TAF3: variants seen among roughly 807,000 people sequenced by gnomAD.
TAF3 encodes the protein TATA-box binding protein associated factor 3.
Under a neutral mutation model 80.6 loss-of-function variants are expected in TAF3, and 7 were observed. The ratio of observed to expected loss-of-function variants is 0.09; its 90% CI spans 0.05 to 0.16. The LOEUF is 0.16. Ranked by LOEUF, TAF3 falls within the 10% of genes least tolerant of loss-of-function variation. The pLI, the probability that TAF3 is intolerant of heterozygous loss-of-function variation, is 1.00. For synonymous variants in TAF3, 444 were observed against 446.1 expected (o/e 1.00, Z 0.06); for missense variants, 921 against 1,140.2 (o/e 0.81, Z 2.77).
intron 2 of TAF3, among the ~76,000 whole-genome samples, chr10:7,885,316 A>G (rs1285444053): frequency 6.6e-6 from 1 of 151,836 alleles, no homozygotes; most frequent in African/African-American, 2.4e-5. Flanking sequence ...CCCTACCCCC[A>G]GTGTAGTTAG....
At chr10:7,855,200 C>T (rs1837066285) in intron 2 of TAF3, among the ~76,000 whole-genome samples, 1 of 152,148 alleles carries the variant, frequency 6.6e-6, no homozygotes, top group Non-Finnish European at 1.5e-5. Flanking sequence ...GGCTTTGTGG[C>T]TTCAGGTACT....
At chr10:7,888,708 T>C (rs1176017217) in intron 2 of TAF3, among the ~76,000 whole-genome samples, 1 of 152,204 alleles carries the variant, frequency 6.6e-6, no homozygotes, top group African/African-American at 2.4e-5. Context: ...TATACTATAC[T>C]AATTATAATG....
At chr10:7,974,842 G>A (rs545099178) in intron 3 of TAF3, among the ~76,000 whole-genome samples, 30 of 152,204 alleles carry the variant, frequency 2.0e-4, no homozygotes, top group African/African-American at 6.5e-4. Context: ...TTGGGAGGTC[G>A]AGGCGGGCGG....
At chr10:7,828,731 T>G (rs1836767749) in intron 2 of TAF3, among the ~76,000 whole-genome samples, 1 of 151,860 alleles carries the variant, frequency 6.6e-6, no homozygotes, top group Admixed American at 6.6e-5. Flanking sequence ...GTTCAAAATA[T>G]TTGCATAAGA....
intron 2 of TAF3, among the ~76,000 whole-genome samples, chr10:7,906,758 G>A (rs1837611643): frequency 1.3e-5 from 2 of 151,258 alleles, no homozygotes; most frequent in African/African-American, 2.4e-5. Flanking sequence ...GGCACCTTAT[G>A]CCTTTATTTT....
At chr10:7,921,171 T>A (rs2131188885) in intron 2 of TAF3, among the ~76,000 whole-genome samples, 1 of 152,304 alleles carries the variant, frequency 6.6e-6, no homozygotes, top group East Asian at 1.9e-4. Flanking sequence ...TTGTTAATAA[T>A]GTCTACTATC....
At chr10:7,902,493 C>T (rs1837567927) in intron 2 of TAF3, among the ~76,000 whole-genome samples, 1 of 152,022 alleles carries the variant, frequency 6.6e-6, no homozygotes, top group Non-Finnish European at 1.5e-5. Flanking sequence ...ATATTGACTG[C>T]GTGTGGTTGT....
At chr10:7,894,978 C>G (rs1469099112) in intron 2 of TAF3, among the ~76,000 whole-genome samples, 1 of 152,144 alleles carries the variant, frequency 6.6e-6, no homozygotes, top group Non-Finnish European at 1.5e-5. Flanking sequence ...TGGGTTCAAA[C>G]AATTCACCTG....
At chr10:7,941,794 G>T (rs964069676) in intron 2 of TAF3, among the ~76,000 whole-genome samples, 2 of 152,184 alleles carry the variant, frequency 1.3e-5, no homozygotes, top group Non-Finnish European at 2.9e-5. Context: ...TTTTACACTC[G>T]TGGGTGCTTG....
At chr10:8,014,075 T>C (rs533600155) in intron 6 of TAF3, among the ~76,000 whole-genome samples, 1 of 139,460 alleles carries the variant, frequency 7.2e-6, no homozygotes, top group East Asian at 1.9e-4. Context: ...TCTATCCTTC[T>C]TATTAAAAAT....
chr10:7,863,694 TATATATATATACACATATATATATACAC>T (rs1186302595), intron 2 of TAF3, among the ~76,000 whole-genome samples: 3,142 of 34,540 alleles, frequency 0.091, 611 homozygotes, highest in South Asian at 0.28. Flanking sequence ...TACACACACA[TATATATATATACACATATATATATACAC>T]ATATATATAT....
chr10:7,994,396 T>C (rs1831863853), intron 4 of TAF3, among the ~76,000 whole-genome samples: 1 of 152,190 alleles, frequency 6.6e-6, no homozygotes, highest in South Asian at 2.1e-4. Flanking sequence ...GATGTCATTA[T>C]TCTAGGCCTT....
intron 2 of TAF3, among the ~76,000 whole-genome samples, chr10:7,853,204 GAAGCAAAGGTGC>G: frequency 6.6e-6 from 1 of 152,064 alleles, no homozygotes. Flanking sequence ...AATTATACTA[GAAGCAAAGGTGC>G]TCAAACTCCA....
intron 3 of TAF3, among the ~76,000 whole-genome samples, chr10:7,968,809 T>A (rs1831596494): frequency 6.6e-6 from 1 of 152,186 alleles, no homozygotes; most frequent in Non-Finnish European, 1.5e-5. Context: ...CTTTTCTATA[T>A]TATGTTAAAA....
intron 4 of TAF3, among the ~76,000 whole-genome samples, chr10:8,008,565 G>A (rs1384554365): frequency 2.0e-5 from 3 of 152,200 alleles, no homozygotes; most frequent in Non-Finnish European, 2.9e-5. Flanking sequence ...AGCAGCTTAG[G>A]CCAGGTTAGG....
intron 2 of TAF3, among the ~76,000 whole-genome samples, chr10:7,886,115 G>T (rs555938682): frequency 4.0e-5 from 6 of 151,812 alleles, no homozygotes; most frequent in Non-Finnish European, 5.9e-5. Flanking sequence ...GTAGAGATGT[G>T]GGGGGGTCTC....
chr10:8,001,158 T>C (rs1831940396), intron 4 of TAF3, among the ~76,000 whole-genome samples: 1 of 152,240 alleles, frequency 6.6e-6, no homozygotes, highest in Non-Finnish European at 1.5e-5. Context: ...AGCTGTCTAA[T>C]GTTGCCTCAG....
At chr10:7,844,665 C>T (rs1176538320) in intron 2 of TAF3, among the ~76,000 whole-genome samples, 2 of 152,100 alleles carry the variant, frequency 1.3e-5, no homozygotes, top group Admixed American at 6.5e-5. Context: ...CATGAACCAC[C>T]GTGCCTGGCC....
At chr10:7,928,752 T>C (rs940929523) in intron 2 of TAF3, among the ~76,000 whole-genome samples, 3 of 152,218 alleles carry the variant, frequency 2.0e-5, no homozygotes, top group Admixed American at 1.3e-4. Context: ...CTTTCTCTTA[T>C]CAAGTAATGC....
Sources: gnomAD v4.1 joint callset for allele counts (sites outside exome capture counted in the v4.1 genomes callset) on GRCh38, gnomAD v4.1.1 for gene constraint, MANE v1.5 for transcripts, NCBI Gene and HGNC (gene_info 2026-07-23, HGNC 2026-07-21) for gene names.